Variants in FECH observed in about 807,000 individuals in gnomAD.
The protein encoded by FECH is ferrochelatase, mitochondrial.
In FECH, 40 loss-of-function variants were observed where a neutral mutation model predicts 56.9. The ratio of observed to expected loss-of-function variants is 0.70; its 90% CI spans 0.55 to 0.92. The LOEUF (loss-of-function observed/expected upper bound fraction) is 0.92, where lower values mean the gene tolerates loss of function less well. Ranked by LOEUF, FECH falls within the 40% of genes least tolerant of loss-of-function variation. The probability of loss-of-function intolerance (pLI) is 0.00; values close to 1 mark genes in which losing one functional copy is unlikely to be tolerated. For synonymous variants in FECH, 175 were observed against 198.6 expected, an observed-to-expected ratio of 0.88 and a Z score of 1.00; for missense variants, 431 against 529.1, an observed-to-expected ratio of 0.81 and a Z score of 1.82.
At chr18:57,573,127 G>C (rs2122328965) in intron 3 of FECH, 119 bp downstream of exon 3, 1 of 1,016,744 alleles carries the variant, frequency 9.8e-7, no homozygotes, top group Non-Finnish European at 1.5e-6. Flanking sequence ...AAACAATGCT[G>C]CTGTTTAACC....
rs1373297120 is a variant in FECH, at chr18:57,554,827, A to T, written c.912+18T>A. The stretch of plus-strand genomic sequence containing the variant: ...TACCAATAAGAGCTGGCCGCCCGCC[A>T]GTGTGGAAGCCACTTACCTTGGATT... On this transcript the variant is annotated intron_variant, in intron 8 of 10. Coordinates refer to ENST00000262093, the MANE Select transcript of FECH (RefSeq NM_000140.5). 2.5e-6 allele frequency: 4 copies of T among 1,597,720 alleles called. No individual in the cohort carries two copies. In the African/African-American group the frequency reaches 5.4e-5, roughly 21 times the overall value.
intron 4 of FECH, among the ~76,000 whole-genome samples, chr18:57,567,217 A>T (rs1347493446): frequency 1.3e-5 from 2 of 152,206 alleles, no homozygotes. Flanking sequence ...AAATTCATTG[A>T]TAACAAATGA....
At chr18:57,572,645 A>G (rs2051131669) in intron 3 of FECH, among the ~76,000 whole-genome samples, 1 of 134,174 alleles carries the variant, frequency 7.5e-6, no homozygotes, top group Non-Finnish European at 1.5e-5. Context: ...GTGTGTATGT[A>G]TGTGTATGCT....
At chr18:57,572,588 TG>T (rs34172858) in intron 3 of FECH, among the ~76,000 whole-genome samples, 14,748 of 63,096 alleles carry the variant, frequency 0.23, 1,667 homozygotes, top group South Asian at 0.31. Flanking sequence ...TGTAACGAAG[TG>T]GGGGGGGGGG....
intron 7 of FECH, among the ~76,000 whole-genome samples, chr18:57,558,339 G>A (rs1010892169): frequency 1.3e-5 from 2 of 152,214 alleles, no homozygotes; most frequent in African/African-American, 4.8e-5. Context: ...GCATCTGGAT[G>A]AATAGCCTAG....
At position 57,581,182 on chromosome 18, in the gene FECH, A is replaced by G. The variant is rs138609282; in HGVS notation, c.68-983T>C. ...TCCTTCCAGGTTGTGATCAAGGTCT[A>G]TTTGTCAACATAGGAGGACAGAACA... is the stretch of plus-strand genomic sequence containing the variant. On this transcript the variant is annotated intron_variant, in intron 1 of 10. Coordinates refer to ENST00000262093, the MANE Select transcript of FECH (RefSeq NM_000140.5). Among the ~76,000 whole-genome samples the G allele has an allele frequency of 2.6e-5, 4 of 152,304 alleles. No homozygotes were observed. In the East Asian group the frequency reaches 7.7e-4, roughly 29 times the overall value.
At chr18:57,581,322 TGAG>T (rs1357787684) in intron 1 of FECH, among the ~76,000 whole-genome samples, 1 of 152,132 alleles carries the variant, frequency 6.6e-6, no homozygotes, top group Non-Finnish European at 1.5e-5. Context: ...CCACCTGAAT[TGAG>T]GAGATCATGT....
chr18:57,584,015 T>C (rs1268973133), intron 1 of FECH, among the ~76,000 whole-genome samples: 1 of 151,812 alleles, frequency 6.6e-6, no homozygotes, highest in Admixed American at 6.6e-5. Context: ...CCATCTCTAC[T>C]AAAAACACAA....
intron 6 of FECH, among the ~76,000 whole-genome samples, chr18:57,560,058 C>T (rs1484403418): frequency 1.3e-5 from 2 of 152,110 alleles, no homozygotes; most frequent in African/African-American, 4.8e-5. Context: ...AAAAATGCTA[C>T]AAAAGACACA....
intron 3 of FECH, among the ~76,000 whole-genome samples, chr18:57,572,611 G>T (rs1421582733): frequency 7.3e-6 from 1 of 137,454 alleles, no homozygotes; most frequent in Non-Finnish European, 1.5e-5. Context: ...GTGCATGTGT[G>T]TATGTATGTA....
chr18:57,573,002 C>G (rs2051136394), intron 3 of FECH: 1 of 538,702 alleles, frequency 1.9e-6, no homozygotes, highest in Non-Finnish European at 3.3e-6. Context: ...TATGTCAAGA[C>G]AACTGCAATT....
intron 3 of FECH, among the ~76,000 whole-genome samples, chr18:57,572,095 A>AC (rs1387088170): frequency 1.3e-5 from 2 of 152,218 alleles, no homozygotes; most frequent in Admixed American, 1.3e-4. Flanking sequence ...AATGAGCCAG[A>AC]CCTATATATC....
chr18:57,585,404 C>A (rs2051353265), intron 1 of FECH, among the ~76,000 whole-genome samples: 1 of 152,216 alleles, frequency 6.6e-6, no homozygotes, highest in Non-Finnish European at 1.5e-5. Context: ...TATTGTTCCA[C>A]GACCTCAAAT....
intron 4 of FECH, 105 bp downstream of exon 4, chr18:57,571,287 G>A: frequency 8.5e-7 from 1 of 1,178,936 alleles, no homozygotes; most frequent in Admixed American, 1.9e-5. Flanking sequence ...ACCACAAATT[G>A]AGTTGCCAGT....
intron 2 of FECH, 36 bp from the exon 3 acceptor site, chr18:57,573,401 ACTT>A: frequency 1.2e-6 from 2 of 1,612,912 alleles, no homozygotes; most frequent in Non-Finnish European, 1.7e-6. Flanking sequence ...GATTTGTCAC[ACTT>A]CTTATTTTCT....
At chr18:57,559,089 A>T in intron 7 of FECH, 56 bp downstream of exon 7, 1 of 1,195,010 alleles carries the variant, frequency 8.4e-7, no homozygotes, top group Non-Finnish European at 1.3e-6. Flanking sequence ...ACATTTAGAA[A>T]ATGAAATCAC....
chr18:57,559,341 C>CAG (rs2050911162), intron 6 of FECH, 98 bp from the exon 7 acceptor site: 3 of 848,694 alleles, frequency 3.5e-6, no homozygotes, highest in Non-Finnish European at 3.9e-6. Flanking sequence ...CCAAAAATCT[C>CAG]AGAGCAACCC....
chr18:57,570,753 T>C (rs1275748502), intron 4 of FECH, among the ~76,000 whole-genome samples: 1 of 152,238 alleles, frequency 6.6e-6, no homozygotes, highest in Non-Finnish European at 1.5e-5. Context: ...CAATGAATTG[T>C]GTCTTCGATG....
At chr18:57,580,525 G>A (rs934150446) in intron 1 of FECH, among the ~76,000 whole-genome samples, 10 of 151,492 alleles carry the variant, frequency 6.6e-5, no homozygotes, top group African/African-American at 2.4e-4. Context: ...ACTGACAGTA[G>A]CGTGCTGCTC....
Sources: gnomAD v4.1 joint callset for allele counts (sites outside exome capture counted in the v4.1 genomes callset) on GRCh38, gnomAD v4.1.1 for gene constraint, MANE v1.5 for transcripts, NCBI Gene and HGNC (gene_info 2026-07-23, HGNC 2026-07-21) for gene names.